The following DNAH8 variants were observed in gnomAD, a reference collection of about 807,000 sequenced individuals.
DNAH8 encodes the protein axonemal beta dynein heavy chain 8.
DNAH8 carries 382 observed loss-of-function variants against 562.1 expected under a neutral mutation model. The observed-to-expected ratio is 0.68, with a 90% CI of 0.63 to 0.74. The LOEUF (loss-of-function observed/expected upper bound fraction) is 0.74. Among genes scored for constraint, DNAH8 ranks in the 30% least tolerant of loss-of-function variants. DNAH8 has a pLI of 0.00. For missense variants in DNAH8, 5,203 were observed against 5,620.4 expected, an observed-to-expected ratio of 0.93 and a Z score of 2.37; for synonymous variants, 1,881 against 1,919.4, an observed-to-expected ratio of 0.98 and a Z score of 0.52.
chr6:39,019,949 G>T (rs1766802259), intron 91 of DNAH8, among the ~76,000 whole-genome samples: 1 of 152,068 alleles, frequency 6.6e-6, no homozygotes, highest in Middle Eastern at 3.2e-3. Context: ...CCTGGCGGAA[G>T]GTGGAAAGAA....
chr6:38,834,473 A>T, intron 31 of DNAH8, 106 bp from the exon 32 acceptor site: 1 of 732,420 alleles, frequency 1.4e-6, no homozygotes, highest in Non-Finnish European at 2.2e-6. Flanking sequence ...AATAATTTAA[A>T]TTAAAAAAAT....
chr6:38,892,444 T>C (rs958556963), intron 58 of DNAH8, among the ~76,000 whole-genome samples: 1 of 152,186 alleles, frequency 6.6e-6, no homozygotes, highest in African/African-American at 2.4e-5. Context: ...GCACCAGTTA[T>C]CCTGCTTCTT....
Position 38,770,309 on chromosome 6 carries a change from T to A in DNAH8, c.1618-104T>A, listed in dbSNP as rs897602441. 6 of 632,930 alleles carry A rather than the reference T, an allele frequency of 9.5e-6. No individual in the cohort carries two copies. In the East Asian group the frequency reaches 1.4e-4, roughly 15 times the overall value. The allele number at this position is 632,930 out of a possible 1,614,324, so 39.2% of individuals were successfully genotyped here. ...ATAAATAAAAAAAAACTATACAGATTTTCACAGTTTGATCAGTTCTGTGTG... is the reference window on the plus strand; with the variant it reads ...ATAAATAAAAAAAAACTATACAGATATTCACAGTTTGATCAGTTCTGTGTG... On this transcript the variant is annotated intron_variant, in intron 11 of 92. Coordinates refer to ENST00000327475, the MANE Select transcript of DNAH8 (RefSeq NM_001206927.2).
At chr6:38,970,792 A>C (rs1763284002) in intron 82 of DNAH8, among the ~76,000 whole-genome samples, 2 of 152,184 alleles carry the variant, frequency 1.3e-5, no homozygotes, top group African/African-American at 4.8e-5. Context: ...TGGGTCCACA[A>C]GGGCTTGCTT....
rs373968893 is a variant in DNAH8, at chr6:38,791,523, GT to G, written c.2782-23del. On this transcript the variant is annotated intron_variant, in intron 20 of 92. Coordinates refer to ENST00000327475, the MANE Select transcript of DNAH8 (RefSeq NM_001206927.2). ...AAACCTAGCTCTAAAGGAAAGAAGA[GT>G]TTTTTTTTCTTACATTTTTCTTCCT... 5.1e-4 allele frequency: 805 copies of G among 1,568,914 alleles called. 1 individual carries two copies. The African/African-American group carries it at 7.2e-3, about 14-fold the overall frequency.
At chr6:38,958,386 C>A (rs1762393222) in intron 82 of DNAH8, among the ~76,000 whole-genome samples, 2 of 134,682 alleles carry the variant, frequency 1.5e-5, no homozygotes, top group African/African-American at 2.7e-5. Context: ...CACCTTTGGC[C>A]AGACTAAGAA....
chr6:39,002,068 G>A (rs887877759), intron 88 of DNAH8, among the ~76,000 whole-genome samples: 2 of 152,162 alleles, frequency 1.3e-5, no homozygotes, highest in Non-Finnish European at 2.9e-5. Context: ...GTCCAGGAGA[G>A]GGATAAGGGA....
At chr6:38,842,634 C>T (rs767478218) in intron 34 of DNAH8, 29 bp from the exon 35 acceptor site, 2 of 1,602,436 alleles carry the variant, frequency 1.2e-6, no homozygotes, top group African/African-American at 2.7e-5. Flanking sequence ...GTGAAGGTGG[C>T]ATATTTTTTT....
At chr6:38,752,189 A>T (rs908281336) in intron 9 of DNAH8, among the ~76,000 whole-genome samples, 1 of 149,194 alleles carries the variant, frequency 6.7e-6, no homozygotes, top group Admixed American at 6.7e-5. Flanking sequence ...CCCGGGATGG[A>T]GTCTCTCTCT....
intron 21 of DNAH8, among the ~76,000 whole-genome samples, chr6:38,799,008 C>T (rs1037683711): frequency 6.6e-6 from 1 of 152,168 alleles, no homozygotes; most frequent in East Asian, 1.9e-4. Flanking sequence ...CTATAGCTCT[C>T]CTGTCTTCTC....
chr6:38,774,474 G>T (rs1767874227), intron 12 of DNAH8, among the ~76,000 whole-genome samples: 1 of 152,168 alleles, frequency 6.6e-6, no homozygotes, highest in Non-Finnish European at 1.5e-5. Flanking sequence ...GCATGGTCTT[G>T]GTTGATTCCC....
chr6:38,879,442 A>C (rs1015458709), intron 53 of DNAH8, among the ~76,000 whole-genome samples: 1 of 152,222 alleles, frequency 6.6e-6, no homozygotes, highest in Admixed American at 6.5e-5. Flanking sequence ...TCAAAAACTG[A>C]TCAATATAAT....
intron 8 of DNAH8, among the ~76,000 whole-genome samples, chr6:38,748,960 G>A (rs35677980): frequency 0.26 from 38,659 of 151,590 alleles, 5,847 homozygotes; most frequent in Middle Eastern, 0.35. Flanking sequence ...TAGTTTCCAG[G>A]AAAAAGGAAG....
chr6:38,773,696 C>T (rs1013192721), intron 12 of DNAH8, among the ~76,000 whole-genome samples: 3 of 152,254 alleles, frequency 2.0e-5, no homozygotes, highest in South Asian at 4.2e-4. Context: ...GTGGGGCTGG[C>T]GAACTTAACC....
chr6:38,900,380 A>C (rs1258597758), intron 62 of DNAH8, among the ~76,000 whole-genome samples: 2 of 152,132 alleles, frequency 1.3e-5, no homozygotes. Context: ...TATCCATTGT[A>C]CTCTTGATAA....
At chr6:38,998,329 G>A (rs1298545311) in intron 88 of DNAH8, among the ~76,000 whole-genome samples, 1 of 152,110 alleles carries the variant, frequency 6.6e-6, no homozygotes, top group East Asian at 1.9e-4. Context: ...AAAATACACA[G>A]TTTATTCACA....
chr6:38,753,396 C>T (rs1765636793), intron 9 of DNAH8, among the ~76,000 whole-genome samples: 2 of 152,144 alleles, frequency 1.3e-5, no homozygotes, highest in Non-Finnish European at 2.9e-5. Context: ...ACAAGCATTT[C>T]AGATTGCTCA....
intron 88 of DNAH8, among the ~76,000 whole-genome samples, chr6:38,992,307 A>G (rs926576190): frequency 6.6e-6 from 1 of 152,138 alleles, no homozygotes; most frequent in Non-Finnish European, 1.5e-5. Flanking sequence ...TTATTGTCCA[A>G]CAACCACCAC....
At position 38,883,031 on chromosome 6, in the gene DNAH8, C is replaced by T. The variant is rs1438913280; in HGVS notation, c.7980C>T (p.Asp2660=). ...ATATTAGAACAAATTTTTTGATAGA[C>T]ACCATTGCAAAACAACATAAAGTAA... is the stretch of plus-strand genomic sequence containing the variant. ...VDNIRTNFLI[D]TIAKQHKAVL... Residue 2660 remains aspartate, a synonymous_variant, in exon 54 of 93, where the codon GAC becomes GAT. Coordinates refer to ENST00000327475, the MANE Select transcript of DNAH8 (RefSeq NM_001206927.2). The T allele has an allele frequency of 6.3e-7, 1 of 1,597,944 alleles. No homozygotes were observed. The highest frequency in any genetic ancestry group is 1.3e-5 in the African/African-American group (1 of 74,268).
Sources: allele counts gnomAD v4.1 joint callset (sites outside exome capture counted in the v4.1 genomes callset), GRCh38; gene constraint gnomAD v4.1.1; transcripts MANE v1.5; gene names NCBI Gene and HGNC (gene_info 2026-07-23, HGNC 2026-07-21).